Variants in MPHOSPH10 observed in about 807,000 individuals in gnomAD.
The protein encoded by MPHOSPH10 is U3 small nucleolar ribonucleoprotein MPP10.
Under a neutral mutation model 77.3 loss-of-function variants are expected in MPHOSPH10, and 33 were observed. The ratio of observed to expected loss-of-function variants is 0.43; its 90% CI spans 0.32 to 0.57. The LOEUF (loss-of-function observed/expected upper bound fraction) is 0.57. Ranked by LOEUF, MPHOSPH10 falls within the 20% of genes least tolerant of loss-of-function variation. The probability of loss-of-function intolerance (pLI) is 0.07; values close to 1 mark genes in which losing one functional copy is unlikely to be tolerated. For synonymous variants in MPHOSPH10, 245 were observed against 268.0 expected (o/e 0.91, Z 0.84); for missense variants, 708 against 780.1 (o/e 0.91, Z 1.10).
rs747708643 is a variant in MPHOSPH10 at position 71,149,435 on chromosome 2, C to G, written c.1878C>G (p.Gly626=). The G allele has an allele frequency of 6.8e-5, 109 of 1,613,488 alleles. No homozygotes were observed. The highest frequency in any genetic ancestry group is 8.3e-5 in the Non-Finnish European group (98 of 1,179,906). ...AGTTAAAACAGCTGACCAAAACTGG[C>G]AAAGCTTCCTTCATAAAGGTAAGGA... is the stretch of plus-strand genomic sequence containing the variant. ...SEKLKQLTKT[G]KASFIKDEGK... Residue 626 remains glycine (G), a synonymous_variant, in exon 10 of 11, where the codon GGC becomes GGG. Coordinates refer to ENST00000244230, the MANE Select transcript of MPHOSPH10 (RefSeq NM_005791.3).
chr2:71,144,340 T>G (rs773997387), intron 7 of MPHOSPH10, 88 bp from the exon 8 acceptor site: 14 of 972,984 alleles, frequency 1.4e-5, no homozygotes, highest in Non-Finnish European at 1.5e-6. Context: ...TGATGAGAAG[T>G]TAGAAATACT....
chr2:71,137,841 CATT>C (rs1314818118), intron 4 of MPHOSPH10, among the ~76,000 whole-genome samples: 2 of 152,140 alleles, frequency 1.3e-5, no homozygotes, highest in Non-Finnish European at 2.9e-5. Flanking sequence ...CTGAAGTCAT[CATT>C]GTTGTCTTTT....
rs753145011 is a variant in MPHOSPH10, at chr2:71,133,177, G to A, written c.369G>A (p.Glu123=). The change falls in exon 2 of 11, where the codon GAG becomes GAA. Residue 123 remains glutamate (E), a synonymous_variant. Transcript: ENST00000244230. ...QEREEDGSEI[E]ADDKEDLEDL... ...GTGAAGAGGATGGTTCAGAGATAGA[G>A]GCTGATGACAAGGAGGACCTAGAAG... 2 of 1,614,148 alleles carry A rather than the reference G, an allele frequency of 1.2e-6. No homozygotes were observed. The highest frequency in any genetic ancestry group is 1.1e-5 in the South Asian group (1 of 91,084).
rs60072810 is a variant in MPHOSPH10, at chr2:71,137,656, CAAAAAAAAAAAA to C, written c.1099-823_1099-812del. Among the ~76,000 whole-genome samples, 6 of 46,334 alleles carry C rather than the reference CAAAAAAAAAAAA, an allele frequency of 1.3e-4. No homozygotes were observed. The South Asian group carries it at 4.3e-3, about 33-fold the overall frequency. The allele number at this position is 46,334 out of a possible 152,430, so 30.4% of individuals were successfully genotyped here. A position where few individuals can be genotyped will look rare whatever the true frequency, so the allele number is the denominator to read the frequency against. On this transcript the variant is annotated intron_variant, in intron 4 of 10. Transcript: ENST00000244230. ...CCTAGGCAACTGAGCGAGACTGTCT[CAAAAAAAAAAAA>C]AAAAAAAAAAGATTAGGAATACTGC... is the stretch of plus-strand genomic sequence containing the variant.
At chr2:71,147,197 A>G (rs946649169) in intron 8 of MPHOSPH10, among the ~76,000 whole-genome samples, 1 of 152,208 alleles carries the variant, frequency 6.6e-6, no homozygotes. Context: ...ATCTTTTTCC[A>G]TATACTTCTT....
Position 71,149,060 on chromosome 2 carries a change from T to A in MPHOSPH10, c.1666-163T>A. Reference sequence around the variant, plus strand: ...GCATTTCAGGTTTTAAAGAGCTGAGTTACCAACGCTCATTGGAATGCAGGT... The same window carrying A: ...GCATTTCAGGTTTTAAAGAGCTGAGATACCAACGCTCATTGGAATGCAGGT... On this transcript the variant is annotated intron_variant, in intron 9 of 10. Transcript: ENST00000244230. The A allele has an allele frequency of 4.6e-6, 3 of 645,614 alleles. No individual in the cohort carries two copies. The South Asian group carries it at 6.1e-5, about 13-fold the overall frequency. The allele number at this position is 645,614 out of a possible 1,614,324, so 40.0% of individuals were successfully genotyped here.
rs1558754574 is a variant in MPHOSPH10 at position 71,138,941 on chromosome 2, G to A, written c.1240+310G>A. On this transcript the variant is annotated intron_variant, in intron 5 of 10. Coordinates refer to ENST00000244230, the MANE Select transcript of MPHOSPH10 (RefSeq NM_005791.3). ...CCCATCTACTCGGAAGGCTGAGGCA[G>A]GAGAATTGCTTGAACCCAGAAAGGG... 3 of 571,556 alleles carry A rather than the reference G, an allele frequency of 5.2e-6. No homozygotes were observed. The Admixed American group carries it at 9.1e-5, about 17-fold the overall frequency. 35.4% of individuals were successfully genotyped at this position (571,556 alleles called of 1,614,324 possible). A position where few individuals can be genotyped will look rare whatever the true frequency, so the allele number is the denominator to read the frequency against.
At position 71,139,834 on chromosome 2, in the gene MPHOSPH10, A is replaced by T. The variant is rs536292890; in HGVS notation, c.1280A>T (p.Asp427Val). 1.2e-6 allele frequency: 2 copies of T among 1,608,864 alleles called. No individual in the cohort carries two copies. The highest frequency in any genetic ancestry group is 2.2e-5 in the East Asian group (1 of 44,764). The part of the protein sequence containing the change: ...ITEETTLQLE[D>V]IIKQRIRDQA... ...GAGGAAACCACCCTTCAACTGGAAG[A>T]TATCATTAAACAGAGGATAAGAGAT... Residue 427 changes from aspartate to valine, a missense_variant, in exon 6 of 11, where the codon GAT becomes GTT. This residue lies in a region of MPHOSPH10 where 263 missense variants were observed against 320.0 expected (regional missense o/e 0.82). Transcript: ENST00000244230.
intron 8 of MPHOSPH10, among the ~76,000 whole-genome samples, chr2:71,147,396 G>A (rs1318648767): frequency 2.0e-5 from 3 of 152,160 alleles, no homozygotes; most frequent in South Asian, 2.1e-4. Flanking sequence ...AGAAAACGCC[G>A]GGTGTGGTGG....
intron 4 of MPHOSPH10, among the ~76,000 whole-genome samples, chr2:71,135,724 C>T (rs1158770185): frequency 1.6e-5 from 2 of 127,040 alleles, no homozygotes. Context: ...TTTTTTGAGA[C>T]AGAGTTTCAC....
At chr2:71,139,991 T>A (rs1673580129) in intron 6 of MPHOSPH10, 129 bp downstream of exon 6, 1 of 643,002 alleles carries the variant, frequency 1.6e-6, no homozygotes, top group African/African-American at 1.8e-5. Flanking sequence ...AAATCTAGGC[T>A]ACCTAGTCAG....
intron 8 of MPHOSPH10, among the ~76,000 whole-genome samples, chr2:71,145,833 T>G (rs1471815745): frequency 6.6e-6 from 1 of 152,188 alleles, no homozygotes; most frequent in Non-Finnish European, 1.5e-5. Context: ...ACTGTGCTCT[T>G]CCCCTGGCCC....
chr2:71,133,863 A>G (rs1007750087), intron 2 of MPHOSPH10, 85 bp from the exon 3 acceptor site: 2 of 992,600 alleles, frequency 2.0e-6, no homozygotes, highest in East Asian at 2.7e-5. Flanking sequence ...TAATATATAC[A>G]TACAATATAC....
At chr2:71,141,472 T>G in intron 7 of MPHOSPH10, 103 bp downstream of exon 7, 1 of 956,728 alleles carries the variant, frequency 1.0e-6, no homozygotes, top group Non-Finnish European at 1.4e-6. Flanking sequence ...TCTTGAGCTC[T>G]TTGGCTACCT....
chr2:71,136,325 G>A (rs960183085), intron 4 of MPHOSPH10, among the ~76,000 whole-genome samples: 3 of 152,064 alleles, frequency 2.0e-5, no homozygotes, highest in Non-Finnish European at 4.4e-5. Context: ...ACCAACCTGG[G>A]CAACAGGGCA....
chr2:71,134,893 GCAGTGGCTCACGCCTGT>G, intron 4 of MPHOSPH10, 96 bp downstream of exon 4: 1 of 1,007,328 alleles, frequency 9.9e-7, no homozygotes, highest in Non-Finnish European at 1.5e-6. Flanking sequence ...TTGGCCAGGT[GCAGTGGCTCACGCCTGT>G]AATCCTAACA....
Position 71,135,788 on chromosome 2 carries a change from C to T in MPHOSPH10, c.1098+991C>T, listed in dbSNP as rs142588061. 2.8e-3 allele frequency among the ~76,000 whole-genome samples: 425 copies of T among 151,158 alleles called. 4 individuals are homozygous for T. The highest frequency in any genetic ancestry group is 9.6e-3 in the African/African-American group (396 of 41,118). On this transcript the variant is annotated intron_variant, in intron 4 of 10. Coordinates refer to ENST00000244230, the MANE Select transcript of MPHOSPH10 (RefSeq NM_005791.3). ...CGTGATCTTAGCTCACTGCAACCTC[C>T]ACCTCCCAGGTTCAATCAATTTTCC...
intron 8 of MPHOSPH10, 130 bp from the exon 9 acceptor site, chr2:71,147,869 G>A (rs1673748606): frequency 4.4e-6 from 3 of 684,338 alleles, no homozygotes; most frequent in Non-Finnish European, 7.2e-6. Flanking sequence ...TGACTTTCAA[G>A]CAAGTGAAAA....
intron 3 of MPHOSPH10, 94 bp from the exon 4 acceptor site, chr2:71,134,532 T>C (rs1040523984): frequency 1.0e-5 from 12 of 1,202,446 alleles, no homozygotes; most frequent in Admixed American, 2.5e-5. Flanking sequence ...ATTAGGTATA[T>C]AAAATAAGAA....
Sources: gnomAD v4.1 joint callset for allele counts (sites outside exome capture counted in the v4.1 genomes callset) on GRCh38, gnomAD v4.1.1 for gene constraint, gnomAD v4.1.1 regional missense constraint, MANE v1.5 for transcripts, NCBI Gene and HGNC (gene_info 2026-07-23, HGNC 2026-07-21) for gene names.